Variants in HOXA2 observed in about 807,000 individuals in gnomAD.
HOXA2 encodes the protein homeobox A2.
A neutral mutation model predicts 27.2 loss-of-function variants in HOXA2; 4 were observed. The ratio of observed to expected loss-of-function variants is 0.15; its 90% CI spans 0.07 to 0.34. The LOEUF is 0.34. HOXA2 is among the 10% of genes least tolerant of loss of function. The pLI, the probability that HOXA2 is intolerant of heterozygous loss-of-function variation, is 1.00. For missense variants in HOXA2, 430 were observed against 473.2 expected, an observed-to-expected ratio of 0.91 and a Z score of 0.85; for synonymous variants, 200 against 202.8, an observed-to-expected ratio of 0.99 and a Z score of 0.12.
In HOXA2 at chr7:27,100,862, G is replaced by A. The variant is rs539038264; in HGVS notation, c.995C>T (p.Ser332Phe). ...AACTGCATCTGAAAGCTGCAGGCAG[G>A]AATCTGTGGAGAAAACGCTAAAGTC... ...LQDFSVFSTD[S>F]CLQLSDAVSP... The change falls in exon 2 of 2, where the codon TCC (serine) becomes TTC (phenylalanine). Residue 332 changes from serine (S) to phenylalanine (F), a missense_variant. By Grantham distance (155) the Ser-to-Phe change is radical. This residue lies in a region of HOXA2 where 236 missense variants were observed against 208.5 expected (regional missense o/e 1.13). Transcript: ENST00000222718. 1 of 1,614,250 alleles carries A rather than the reference G, an allele frequency of 6.2e-7. No homozygotes were observed. Among genetic ancestry groups the A allele is most frequent in the South Asian group, 1.1e-5 (1 of 91,082 alleles).
chr7:27,102,032 TC>T lies in HOXA2; in HGVS notation c.391+77del. The T allele has an allele frequency of 6.4e-7, 1 of 1,563,070 alleles. No homozygotes were observed. The highest frequency in any genetic ancestry group is 8.7e-7 in the Non-Finnish European group (1 of 1,154,750). On this transcript the variant is annotated intron_variant, in intron 1 of 1. Transcript: ENST00000222718. The surrounding 1 kb of genome is among the most constrained non-coding windows in gnomAD (Gnocchi z 4.6). The stretch of plus-strand genomic sequence containing the variant: ...CCTTCTCTCCCAGCCCACTCTCCCC[TC>T]CCCCCACAGCCACTCTCGGGGCAGC...
Position 27,101,007 on chromosome 7 carries a change from G to T in HOXA2, c.850C>A (p.Leu284Met), listed in dbSNP as rs1278253439. 2 of 1,614,234 alleles carry T rather than the reference G, an allele frequency of 1.2e-6. No individual in the cohort carries two copies. The highest frequency in any genetic ancestry group is 1.7e-6 in the Non-Finnish European group (2 of 1,180,048). Residue 284 changes from leucine to methionine, a missense_variant, in exon 2 of 2, where the codon CTG (leucine) becomes ATG (methionine). By Grantham distance (15) the Leu-to-Met change is conservative (BLOSUM62 2). Around this residue, in one of 4 missense-constraint regions of HOXA2, gnomAD observed 236 missense variants for 208.5 expected, o/e 1.13. Transcript: ENST00000222718. ...GGTGACTGGTGCTGAAAATGTTTCA[G>T]ATTTTTCTCATTGCTGGTTAAAGGC... ...VSPLTSNEKN[L>M]KHFQHQSPTV...
Position 27,102,004 on chromosome 7 carries a change from C to A in HOXA2, c.391+106G>T, listed in dbSNP as rs769064620. 4.7e-6 allele frequency: 7 copies of A among 1,499,460 alleles called. No individual in the cohort carries two copies. Among genetic ancestry groups the A allele is most frequent in the Non-Finnish European group, 6.3e-6 (7 of 1,106,470 alleles). The allele number at this position is 1,499,460 out of a possible 1,614,324, so 92.9% of individuals were successfully genotyped here. On this transcript the variant is annotated intron_variant, in intron 1 of 1. Coordinates refer to ENST00000222718, the MANE Select transcript of HOXA2 (RefSeq NM_006735.4). The surrounding 1 kb of genome is among the most constrained non-coding windows in gnomAD (Gnocchi z 4.6). Reference sequence around the variant, plus strand: ...AAGGCAACCAAGCATCTCTCCCTCTCCTCCTTCTCTCCCAGCCCACTCTCC... The same window carrying A: ...AAGGCAACCAAGCATCTCTCCCTCTACTCCTTCTCTCCCAGCCCACTCTCC...
At position 27,101,249 on chromosome 7, in the gene HOXA2, T is replaced by C. The variant is rs758386563; in HGVS notation, c.608A>G (p.Gln203Arg). The C allele has an allele frequency of 6.2e-7, 1 of 1,614,266 alleles. No individual in the cohort carries two copies. Among genetic ancestry groups the C allele is most frequent in the African/African-American group, 1.3e-5 (1 of 75,076 alleles). Reference protein sequence around the residue: ...NRRMKHKRQTQCKENQNSEGK... With the variant: ...NRRMKHKRQTRCKENQNSEGK... ...TTCGCTGTTTTGGTTTTCCTTGCAC[T>C]GGGTCTGCCTCTTGTGCTTCATCCT... Residue 203 changes from glutamine to arginine, a missense_variant, in exon 2 of 2, where the codon CAG becomes CGG. Physicochemically the swap from Gln to Arg is conservative, Grantham distance 43. Coordinates refer to ENST00000222718, the MANE Select transcript of HOXA2 (RefSeq NM_006735.4).
chr7:27,100,799 T>C lies in HOXA2; in HGVS notation c.1058A>G (p.Asp353Gly). 1 of 1,614,240 alleles carries C rather than the reference T, an allele frequency of 6.2e-7. No homozygotes were observed. The highest frequency in any genetic ancestry group is 8.5e-7 in the Non-Finnish European group (1 of 1,180,030). Residue 353 changes from aspartate (D) to glycine (G), a missense_variant, in exon 2 of 2, where the codon GAT (aspartate) becomes GGT (glycine). Transcript: ENST00000222718. Reference protein sequence around the residue: ...SLPGSLDSPVDISADSLDFFT... With the variant: ...SLPGSLDSPVGISADSLDFFT... ...AAAGTCTAAGCTGTCAGCTGAAATATCTACGGGACTGTCGAGGGAACCTGG... is the reference window on the plus strand; with the variant it reads ...AAAGTCTAAGCTGTCAGCTGAAATACCTACGGGACTGTCGAGGGAACCTGG...
chr7:27,101,231 T>C lies in HOXA2; in HGVS notation c.626A>G (p.Asn209Ser). The change falls in exon 2 of 2, where the codon AAC (asparagine) becomes AGC (serine). Residue 209 changes from asparagine to serine, a missense_variant. By Grantham distance (46) the Asn-to-Ser change is conservative. Coordinates refer to ENST00000222718, the MANE Select transcript of HOXA2 (RefSeq NM_006735.4). ...KRQTQCKENQ[N>S]SEGKCKSLED... is the part of the protein sequence containing the mutation. ...AAGGCTTTTACATTTCCCTTCGCTGTTTTGGTTTTCCTTGCACTGGGTCTG... is the reference window on the plus strand; with the variant it reads ...AAGGCTTTTACATTTCCCTTCGCTGCTTTGGTTTTCCTTGCACTGGGTCTG... 6.2e-7 allele frequency: 1 copy of C among 1,614,226 alleles called. No individual in the cohort carries two copies. Among genetic ancestry groups the C allele is most frequent in the Non-Finnish European group, 8.5e-7 (1 of 1,180,046 alleles).
rs1783908777 is a variant in HOXA2 at position 27,100,636 on chromosome 7, A to G, written c.*90T>C. 1 of 1,433,518 alleles carries G rather than the reference A, an allele frequency of 7.0e-7. No homozygotes were observed. The highest frequency in any genetic ancestry group is 9.8e-7 in the Non-Finnish European group (1 of 1,022,958). The allele number at this position is 1,433,518 out of a possible 1,614,324, so 88.8% of individuals were successfully genotyped here. On this transcript the variant is annotated 3_prime_UTR_variant, in exon 2 of 2. Transcript: ENST00000222718. The stretch of plus-strand genomic sequence containing the variant: ...GAGGGAAGGGGTAGGTCAAGAAGAA[A>G]ATAAAAAATAAACTCCCAAATAAAA...
rs117630421 is a variant in HOXA2, at chr7:27,100,618, G to A, written c.*108C>T. The A allele has an allele frequency of 0.042, 49,244 of 1,176,154 alleles. 1,280 individuals carry two copies. Among genetic ancestry groups the A allele is most frequent in the Non-Finnish European group, 0.053 (41,864 of 795,272 alleles). The allele number at this position is 1,176,154 out of a possible 1,614,324, so 72.9% of individuals were successfully genotyped here. ...AATCCTCAACACTTAAAGGAGGGAA[G>A]GGGTAGGTCAAGAAGAAAATAAAAA... is the stretch of plus-strand genomic sequence containing the variant. On this transcript the variant is annotated 3_prime_UTR_variant, in exon 2 of 2. Coordinates refer to ENST00000222718, the MANE Select transcript of HOXA2 (RefSeq NM_006735.4).
chr7:27,101,128 A>G lies in HOXA2; in HGVS notation c.729T>C (p.Leu243=). The G allele has an allele frequency of 2.5e-6, 4 of 1,614,152 alleles. No individual in the cohort carries two copies. The highest frequency in any genetic ancestry group is 2.5e-6 in the Non-Finnish European group (3 of 1,180,028). The part of the protein sequence containing the change: ...FEQALSVSGA[L]LEREGYTFQQ... ...GAAAAGTGTAGCCTTCCCTCTCCAG[A>G]AGGGCCCCAGAGACGCTAAGGGCTT... Residue 243 remains leucine (L), a synonymous_variant, in exon 2 of 2, where the codon CTT becomes CTC. Coordinates refer to ENST00000222718, the MANE Select transcript of HOXA2 (RefSeq NM_006735.4).
intron 1 of HOXA2, 188 bp downstream of exon 1, chr7:27,101,922 C>A (rs528439439): frequency 8.6e-5 from 68 of 793,944 alleles, no homozygotes; most frequent in East Asian, 2.1e-4. Flanking sequence ...CATTGTAGAG[C>A]GCAGGATCCC....
chr7:27,101,229 T>G lies in HOXA2; in HGVS notation c.628A>C (p.Ser210Arg). 1 of 1,614,232 alleles carries G rather than the reference T, an allele frequency of 6.2e-7. No homozygotes were observed. Among genetic ancestry groups the G allele is most frequent in the African/African-American group, 1.3e-5 (1 of 75,062 alleles). ...RQTQCKENQNSEGKCKSLEDS... is the reference protein window; with the variant it reads ...RQTQCKENQNREGKCKSLEDS... ...TCAAGGCTTTTACATTTCCCTTCGCTGTTTTGGTTTTCCTTGCACTGGGTC... is the reference window on the plus strand; with the variant it reads ...TCAAGGCTTTTACATTTCCCTTCGCGGTTTTGGTTTTCCTTGCACTGGGTC... Residue 210 changes from serine (S) to arginine (R), a missense_variant, in exon 2 of 2, where the codon AGC becomes CGC. By Grantham distance (110) the Ser-to-Arg change is moderately radical. Transcript: ENST00000222718.
Position 27,102,141 on chromosome 7 carries a change from TGCGGCGGTGGCGGCGGCG to T in HOXA2, c.342_359del (p.Ala116_Ala121del). 2 of 1,597,174 alleles carry T rather than the reference TGCGGCGGTGGCGGCGGCG, an allele frequency of 1.3e-6. No individual in the cohort carries two copies. The highest frequency in any genetic ancestry group is 8.5e-7 in the Non-Finnish European group (1 of 1,172,464). ...GGCTGAGGCAAGCAGGGCCGGTGGCTGCGGCGGTGGCGGCGGCGGCGGCGGCCGGCAGAAGTGCGGTTT... is the reference window on the plus strand; with the variant it reads ...GGCTGAGGCAAGCAGGGCCGGTGGCTGCGGCGGCCGGCAGAAGTGCGGTTT... On this transcript the variant is annotated inframe_deletion, in exon 1 of 2. Transcript: ENST00000222718. The surrounding 1 kb of genome is among the most constrained non-coding windows in gnomAD (Gnocchi z 4.6).
intron 1 of HOXA2, 84 bp from the exon 2 acceptor site, chr7:27,101,549 T>C: frequency 6.8e-7 from 1 of 1,479,968 alleles, no homozygotes; most frequent in South Asian, 1.1e-5. Context: ...GGAGAATAAA[T>C]ATAGCAGAAA....
chr7:27,102,052 G>T lies in HOXA2; in HGVS notation c.391+58C>A, dbSNP rs1438671055. ...TCCCCTCCCCCCACAGCCACTCTCG[G>T]GGCAGCCCGGAGAAGGAAGAGGGTC... On this transcript the variant is annotated intron_variant, in intron 1 of 1. Coordinates refer to ENST00000222718, the MANE Select transcript of HOXA2 (RefSeq NM_006735.4). This position sits in a 1 kb window ranked among gnomAD's most constrained non-coding sequence, Gnocchi z 4.6. The T allele has an allele frequency of 6.3e-7, 1 of 1,597,576 alleles. No individual in the cohort carries two copies.
Position 27,102,583 on chromosome 7 carries a change from A to C in HOXA2, c.-83T>G. The C allele has an allele frequency of 7.3e-7, 1 of 1,367,764 alleles. No homozygotes were observed. Among genetic ancestry groups the C allele is most frequent in the Non-Finnish European group, 1.0e-6 (1 of 972,180 alleles). The allele number at this position is 1,367,764 out of a possible 1,614,324, so 84.7% of individuals were successfully genotyped here. On this transcript the variant is annotated 5_prime_UTR_variant, in exon 1 of 2. Transcript: ENST00000222718. The surrounding 1 kb of genome is among the most constrained non-coding windows in gnomAD (Gnocchi z 4.6). ...GGGGGCAAGGCCTAGGAAAAAGGCGAGCGCAGAGGAAAAAAAATCTATCAT... is the reference window on the plus strand; with the variant it reads ...GGGGGCAAGGCCTAGGAAAAAGGCGCGCGCAGAGGAAAAAAAATCTATCAT...
rs187162003 is a variant in HOXA2 at position 27,102,421 on chromosome 7, G to C, written c.80C>G (p.Pro27Arg). 28 of 1,614,094 alleles carry C rather than the reference G, an allele frequency of 1.7e-5. No homozygotes were observed. The African/African-American group carries it at 2.8e-4, about 16-fold the overall frequency. Reference sequence around the variant, plus strand: ...TGAACTTTGAAATGTATCAGCGACAGGGGGAAAAGATGTCAGGCACTCAGC... The same window carrying C: ...TGAACTTTGAAATGTATCAGCGACACGGGGAAAAGATGTCAGGCACTCAGC... ...SLAECLTSFPPVADTFQSSSI... is the reference protein window; with the variant it reads ...SLAECLTSFPRVADTFQSSSI... The change falls in exon 1 of 2, where the codon CCT (proline) becomes CGT (arginine). Residue 27 changes from proline to arginine, a missense_variant. Pro to Arg is a moderately radical substitution (Grantham distance 103). Transcript: ENST00000222718. This position sits in a 1 kb window ranked among gnomAD's most constrained non-coding sequence, Gnocchi z 4.6.
chr7:27,100,848 A>T lies in HOXA2; in HGVS notation c.1009T>A (p.Ser337Thr), dbSNP rs755516097. 5 of 1,614,126 alleles carry T rather than the reference A, an allele frequency of 3.1e-6. No individual in the cohort carries two copies. The highest frequency in any genetic ancestry group is 4.2e-6 in the Non-Finnish European group (5 of 1,180,048). ...VFSTDSCLQLSDAVSPSLPGS... is the reference protein window; with the variant it reads ...VFSTDSCLQLTDAVSPSLPGS... ...GGCAAACTGGGTGAAACTGCATCTG[A>T]AAGCTGCAGGCAGGAATCTGTGGAG... Residue 337 changes from serine to threonine, a missense_variant, in exon 2 of 2, where the codon TCA becomes ACA. Physicochemically the swap from Ser to Thr is moderately conservative, Grantham distance 58. Coordinates refer to ENST00000222718, the MANE Select transcript of HOXA2 (RefSeq NM_006735.4).
At chr7:27,101,961 A>G in intron 1 of HOXA2, 149 bp downstream of exon 1, 1 of 1,127,252 alleles carries the variant, frequency 8.9e-7, no homozygotes, top group Non-Finnish European at 1.3e-6. Context: ...CCACTCCTGA[A>G]CCCACAGGGG....
chr7:27,102,608 T>C lies in HOXA2; in HGVS notation c.-108A>G, dbSNP rs895814788. On this transcript the variant is annotated 5_prime_UTR_variant, in exon 1 of 2. It removes an upstream start codon present in the reference 5' UTR. Coordinates refer to ENST00000222718, the MANE Select transcript of HOXA2 (RefSeq NM_006735.4). The surrounding 1 kb of genome is among the most constrained non-coding windows in gnomAD (Gnocchi z 4.6). ...AGCGCAGAGGAAAAAAAATCTATCA[T>C]AGAATATCGCTGCTAGGGTGTTTTT... is the stretch of plus-strand genomic sequence containing the variant. The C allele has an allele frequency of 1.1e-4, 114 of 1,066,944 alleles. No individual in the cohort carries two copies. The highest frequency in any genetic ancestry group is 1.5e-4 in the Non-Finnish European group (106 of 710,844). The allele number at this position is 1,066,944 out of a possible 1,614,324, so 66.1% of individuals were successfully genotyped here. A position where few individuals can be genotyped will look rare whatever the true frequency, so the allele number is the denominator to read the frequency against.
Sources: gnomAD v4.1 joint callset for allele counts on GRCh38, gnomAD v4.1.1 for gene constraint, gnomAD v4.1.1 regional missense constraint, Gnocchi (gnomAD v3.1) non-coding constraint, MANE v1.5 for transcripts, NCBI Gene and HGNC (gene_info 2026-07-23, HGNC 2026-07-21) for gene names.